The following OPTC variants were observed in gnomAD, a reference collection of about 807,000 sequenced individuals.
OPTC encodes the protein oculoglycan.
OPTC carries 22 observed loss-of-function variants against 25.4 expected under a neutral mutation model. The observed-to-expected ratio is 0.87, with a 90% CI of 0.62 to 1.24. The LOEUF is 1.24. Among genes scored for constraint, OPTC ranks in the 50% most tolerant of loss-of-function variants. OPTC has a pLI of 0.00. For synonymous variants in OPTC, 169 were observed against 179.3 expected (o/e 0.94, Z 0.46); for missense variants, 417 against 425.2 (o/e 0.98, Z 0.17).
rs1661543814 is a variant in OPTC, at chr1:203,508,746, G to C, written c.*126G>C. On this transcript the variant is annotated 3_prime_UTR_variant, in exon 8 of 8. Transcript: ENST00000367222. The stretch of plus-strand genomic sequence containing the variant: ...CAGCATGGACAAAGGTCTCCATGCA[G>C]GGGGAGGAGGCCTGCTTCTTTCCCC... 6.6e-6 allele frequency: 1 copy of C among 152,204 alleles called. No individual in the cohort carries two copies. The highest frequency in any genetic ancestry group is 6.6e-5 in the Admixed American group (1 of 15,266). 9.4% of individuals were successfully genotyped at this position (152,204 alleles called of 1,614,324 possible).
intron 5 of OPTC, among the ~76,000 whole-genome samples, chr1:203,502,128 A>G (rs1332618290): frequency 6.6e-6 from 1 of 152,216 alleles, no homozygotes; most frequent in Non-Finnish European, 1.5e-5. Flanking sequence ...GGAGGGTTAG[A>G]TACGCATAGT....
Position 203,507,864 on chromosome 1 carries a change from C to T in OPTC, c.*26-782C>T, listed in dbSNP as rs982823533. ...GCTAAGTCTGTTTTAGGAGCCAAGG[C>T]CATTTCCCCACCCTGACCTTGCCTG... On this transcript the variant is annotated intron_variant, in intron 7 of 7. Transcript: ENST00000367222. Among the ~76,000 whole-genome samples the T allele has an allele frequency of 2.0e-5, 3 of 152,150 alleles. No individual in the cohort carries two copies. In the East Asian group the frequency reaches 5.8e-4, roughly 29 times the overall value.
rs1332424705 is a variant in OPTC, at chr1:203,499,662, G to T, written c.543G>T (p.Arg181Ser). Residue 181 changes from arginine to serine, a missense_variant, in exon 5 of 8, where the codon AGG (arginine) becomes AGT (serine). Transcript: ENST00000367222. ...AACCTCTCTCAGCAAAGTTGAAGAG[G>T]ATTGACCTCTCCAACAACCTCATTT... ...EDFKGLTKLKRIDLSNNLISS... is the reference protein window; with the variant it reads ...EDFKGLTKLKSIDLSNNLISS... 3.7e-6 allele frequency: 6 copies of T among 1,613,412 alleles called. No individual in the cohort carries two copies. Among genetic ancestry groups the T allele is most frequent in the East Asian group, 4.5e-5 (2 of 44,862 alleles).
Position 203,503,758 on chromosome 1 carries a change from C to A in OPTC, c.*25+13C>A. ...CCACTCCTCCCAGGTAAGAACCCTC[C>A]AAGGACCATGCAGGCATGGGCCTCC... On this transcript the variant is annotated intron_variant, in intron 7 of 7. Transcript: ENST00000367222. The A allele has an allele frequency of 2.5e-6, 4 of 1,594,474 alleles. No individual in the cohort carries two copies. Among genetic ancestry groups the A allele is most frequent in the Non-Finnish European group, 3.4e-6 (4 of 1,176,624 alleles).
At position 203,496,233 on chromosome 1, in the gene OPTC, C is replaced by T. The variant is rs542488771; in HGVS notation, c.228C>T (p.Pro76=). The change falls in exon 2 of 8, where the codon CCC becomes CCT. Residue 76 remains proline, a synonymous_variant. Coordinates refer to ENST00000367222, the MANE Select transcript of OPTC (RefSeq NM_014359.4). The part of the protein sequence containing the change: ...EELTDYGDQL[P]EVKVTSLAPA... Reference sequence around the variant, plus strand: ...TCACAGATTATGGGGACCAACTCCCCGAGGTGAGGGACACAGCAGACCAAC... The same window carrying T: ...TCACAGATTATGGGGACCAACTCCCTGAGGTGAGGGACACAGCAGACCAAC... 15 of 1,609,762 alleles carry T rather than the reference C, an allele frequency of 9.3e-6. No individual in the cohort carries two copies. Among genetic ancestry groups the T allele is most frequent in the East Asian group, 6.7e-5 (3 of 44,854 alleles).
chr1:203,508,279 G>C (rs183971308), intron 7 of OPTC, among the ~76,000 whole-genome samples: 1 of 152,332 alleles, frequency 6.6e-6, no homozygotes, highest in Admixed American at 6.5e-5. Flanking sequence ...AAGGACTCGG[G>C]AGGGCATCAC....
At chr1:203,496,708 T>C (rs1349640772) in intron 2 of OPTC, among the ~76,000 whole-genome samples, 1 of 151,728 alleles carries the variant, frequency 6.6e-6, no homozygotes, top group Non-Finnish European at 1.5e-5. Flanking sequence ...GGAGAGCAGG[T>C]TTCGTCTCTG....
chr1:203,502,845 C>T (rs1661412172), intron 5 of OPTC, 69 bp from the exon 6 acceptor site: 8 of 1,210,556 alleles, frequency 6.6e-6, no homozygotes, highest in Non-Finnish European at 9.8e-6. Flanking sequence ...TCTCTGGTCT[C>T]ATAGCCCTCC....
chr1:203,496,785 T>C (rs1661287752), intron 2 of OPTC, among the ~76,000 whole-genome samples, 192 bp from the exon 3 acceptor site: 2 of 152,100 alleles, frequency 1.3e-5, no homozygotes, highest in East Asian at 1.9e-4. Flanking sequence ...TCTTCATCCA[T>C]AGGATGGACA....
At chr1:203,502,343 A>T (rs1261078300) in intron 5 of OPTC, among the ~76,000 whole-genome samples, 1 of 152,030 alleles carries the variant, frequency 6.6e-6, no homozygotes, top group Admixed American at 6.6e-5. Context: ...CCTGCTCCTC[A>T]CCCAGAGCAT....
intron 7 of OPTC, among the ~76,000 whole-genome samples, chr1:203,504,927 G>C (rs889269007): frequency 6.6e-6 from 1 of 152,184 alleles, no homozygotes; most frequent in Non-Finnish European, 1.5e-5. Context: ...TCCTGGGCAG[G>C]GGCTACTATG....
Position 203,503,107 on chromosome 1 carries a change from G to A in OPTC, c.828+98G>A, listed in dbSNP as rs1277406450. ...TGGCAGAGAGAGGCATGAGGCTTAG[G>A]CAGCTGTGGGGTCTCCTTGATTGGA... On this transcript the variant is annotated intron_variant, in intron 6 of 7. Coordinates refer to ENST00000367222, the MANE Select transcript of OPTC (RefSeq NM_014359.4). 7 of 906,170 alleles carry A rather than the reference G, an allele frequency of 7.7e-6. No homozygotes were observed. In the East Asian group the frequency reaches 1.0e-4, roughly 13 times the overall value. The allele number at this position is 906,170 out of a possible 1,614,324, so 56.1% of individuals were successfully genotyped here.
chr1:203,503,244 T>G (rs569727139), intron 6 of OPTC, among the ~76,000 whole-genome samples: 1 of 152,330 alleles, frequency 6.6e-6, no homozygotes, highest in East Asian at 1.9e-4. Flanking sequence ...TCCACCATTT[T>G]ATTTTATCTC....
Position 203,496,140 on chromosome 1 carries a change from T to G in OPTC, c.135T>G (p.Pro45=), listed in dbSNP as rs747087241. Residue 45 remains proline (P), a synonymous_variant, in exon 2 of 8, where the codon CCT becomes CCG. Coordinates refer to ENST00000367222, the MANE Select transcript of OPTC (RefSeq NM_014359.4). The part of the protein sequence containing the change: ...PREGDSFEVL[P]LRNDVLNPDN... ...AAGGCGATTCCTTTGAAGTTCTGCCTCTGCGGAATGATGTCCTGAACCCAG... is the reference window on the plus strand; with the variant it reads ...AAGGCGATTCCTTTGAAGTTCTGCCGCTGCGGAATGATGTCCTGAACCCAG... 13 of 1,614,156 alleles carry G rather than the reference T, an allele frequency of 8.1e-6. No individual in the cohort carries two copies. The South Asian group carries it at 1.4e-4, about 18-fold the overall frequency.
chr1:203,498,595 C>CATGGT, intron 3 of OPTC, 86 bp from the exon 4 acceptor site: 1 of 1,539,538 alleles, frequency 6.5e-7, no homozygotes, highest in Non-Finnish European at 9.0e-7. Context: ...CACAGATGGC[C>CATGGT]ATGGTTCAGA....
intron 7 of OPTC, among the ~76,000 whole-genome samples, chr1:203,508,175 G>A (rs1443265437): frequency 1.3e-5 from 2 of 152,208 alleles, no homozygotes; most frequent in Non-Finnish European, 2.9e-5. Flanking sequence ...CACTTCTTGG[G>A]AATTCTTGTC....
chr1:203,495,307 T>C (rs1353374477), intron 1 of OPTC, among the ~76,000 whole-genome samples: 19 of 152,178 alleles, frequency 1.2e-4, no homozygotes, highest in Admixed American at 1.2e-3. Context: ...TCACCTAAGG[T>C]CAGGAGTTCG....
chr1:203,497,195 G>A lies in OPTC; in HGVS notation c.370+80G>A. 2.6e-6 allele frequency: 4 copies of A among 1,530,922 alleles called. No individual in the cohort carries two copies. In the African/African-American group the frequency reaches 5.5e-5, roughly 21 times the overall value. 94.8% of individuals were successfully genotyped at this position (1,530,922 alleles called of 1,614,324 possible). A position where few individuals can be genotyped will look rare whatever the true frequency, so the allele number is the denominator to read the frequency against. ...TGACCCAGCACCAGGGGGTACCAAA[G>A]TGGAACGTGGTTGGGGTTGGGGCAT... On this transcript the variant is annotated intron_variant, in intron 3 of 7. Coordinates refer to ENST00000367222, the MANE Select transcript of OPTC (RefSeq NM_014359.4).
intron 7 of OPTC, among the ~76,000 whole-genome samples, chr1:203,506,389 G>T (rs887127307): frequency 6.6e-6 from 1 of 151,724 alleles, no homozygotes; most frequent in African/African-American, 2.4e-5. Context: ...GACCTCGGGT[G>T]ATCTGCCCGC....
Sources: gnomAD v4.1 joint callset for allele counts (sites outside exome capture counted in the v4.1 genomes callset) on GRCh38, gnomAD v4.1.1 for gene constraint, MANE v1.5 for transcripts, NCBI Gene and HGNC (gene_info 2026-07-23, HGNC 2026-07-21) for gene names.